The following ZEB1 variants were observed in gnomAD, a reference collection of about 807,000 sequenced individuals.
ZEB1 encodes the protein zinc finger E-box-binding homeobox 1.
A neutral mutation model predicts 84.9 loss-of-function variants in ZEB1; 21 were observed. That is an observed-to-expected ratio of 0.25 (90% confidence interval 0.18 to 0.36). The LOEUF is 0.36. Ranked by LOEUF, ZEB1 falls within the 10% of genes least tolerant of loss-of-function variation. ZEB1 has a pLI of 1.00. For synonymous variants in ZEB1, 420 were observed against 471.1 expected, an observed-to-expected ratio of 0.89 and a Z score of 1.41; for missense variants, 1,104 against 1,330.2, an observed-to-expected ratio of 0.83 and a Z score of 2.65.
chr10:31,336,853 C>T (rs537254772), intron 1 of ZEB1, among the ~76,000 whole-genome samples: 1 of 152,288 alleles, frequency 6.6e-6, no homozygotes, highest in African/African-American at 2.4e-5. Flanking sequence ...CATGGAACAA[C>T]TGAACACTTA....
intron 1 of ZEB1, among the ~76,000 whole-genome samples, chr10:31,367,423 G>A (rs2044735495): frequency 6.6e-6 from 1 of 152,122 alleles, no homozygotes; most frequent in Non-Finnish European, 1.5e-5. Context: ...GATAATGGTA[G>A]TGATGATGAT....
intron 1 of ZEB1, chr10:31,363,619 G>T (rs1239742591): frequency 3.3e-6 from 5 of 1,510,688 alleles, no homozygotes; most frequent in Non-Finnish European, 3.6e-6. Context: ...CGGGAGCCTG[G>T]CTGGGATCAC....
At chr10:31,488,350 A>G (rs781748770) in intron 2 of ZEB1, among the ~76,000 whole-genome samples, 5 of 151,176 alleles carry the variant, frequency 3.3e-5, no homozygotes, top group Non-Finnish European at 4.4e-5. Context: ...TGTTTACACA[A>G]TTGTTCAGAG....
intron 2 of ZEB1, among the ~76,000 whole-genome samples, chr10:31,481,866 C>A (rs2065085992): frequency 6.6e-6 from 1 of 151,966 alleles, no homozygotes; most frequent in Non-Finnish European, 1.5e-5. Context: ...AAGGACAGGT[C>A]TTCCTTACAG....
rs373477291 is a variant in ZEB1, at chr10:31,479,925, A to G, written c.260-15851A>G. ...GTAGAGAAGAAAGTATAAGTTGGCA[A>G]TGTTCCAACATGTCTGTATTAATCT... On this transcript the variant is annotated intron_variant, in intron 2 of 8. Coordinates refer to ENST00000424869, the MANE Select transcript of ZEB1 (RefSeq NM_001174096.2). Among the ~76,000 whole-genome samples, 91 of 152,136 alleles carry G rather than the reference A, an allele frequency of 6.0e-4. 2 individuals carry two copies. Among genetic ancestry groups the G allele is most frequent in the African/African-American group, 2.0e-3 (85 of 41,558 alleles).
At chr10:31,501,130 C>T (rs1389302999) in intron 3 of ZEB1, among the ~76,000 whole-genome samples, 1 of 152,176 alleles carries the variant, frequency 6.6e-6, no homozygotes, top group Non-Finnish European at 1.5e-5. Context: ...GGCCAAACTT[C>T]AGCCTGCTGG....
At chr10:31,459,748 G>A (rs905600317) in intron 1 of ZEB1, among the ~76,000 whole-genome samples, 3 of 151,206 alleles carry the variant, frequency 2.0e-5, no homozygotes, top group African/African-American at 7.3e-5. Flanking sequence ...TATAAAAGCT[G>A]TTTTGGAGTT....
At chr10:31,474,469 A>G (rs554762038) in intron 2 of ZEB1, among the ~76,000 whole-genome samples, 26 of 152,346 alleles carry the variant, frequency 1.7e-4, no homozygotes, top group African/African-American at 5.3e-4. Context: ...AATGCTCATC[A>G]TCACTGGCCA....
chr10:31,363,178 C>T (rs1438414414), intron 1 of ZEB1: 9 of 1,533,888 alleles, frequency 5.9e-6, no homozygotes, highest in African/African-American at 1.4e-5. Flanking sequence ...CATCAGCAAG[C>T]CTGGAGAGCT....
intron 1 of ZEB1, among the ~76,000 whole-genome samples, chr10:31,452,726 TGTGTGTGTGTGTGTGTGAGAGA>T (rs1357189928): frequency 8.2e-6 from 1 of 121,792 alleles, no homozygotes; most frequent in African/African-American, 4.1e-5. Flanking sequence ...TGTGTGTGTG[TGTGTGTGTGTGTGTGTGAGAGA>T]GAGAGAGAGA....
At chr10:31,361,812 A>AG (rs2043161342) in intron 1 of ZEB1, among the ~76,000 whole-genome samples, 1 of 150,688 alleles carries the variant, frequency 6.6e-6, no homozygotes, top group Admixed American at 6.6e-5. Context: ...GCAGCAGGGC[A>AG]GAGGCGCTCC....
chr10:31,368,847 A>G (rs898698363), intron 1 of ZEB1, among the ~76,000 whole-genome samples: 1 of 152,174 alleles, frequency 6.6e-6, no homozygotes, highest in Non-Finnish European at 1.5e-5. Flanking sequence ...GTTTACCATC[A>G]CTGCCTGTCC....
intron 1 of ZEB1, among the ~76,000 whole-genome samples, chr10:31,353,767 C>T (rs2041680647): frequency 6.6e-6 from 1 of 152,134 alleles, no homozygotes; most frequent in South Asian, 2.1e-4. Flanking sequence ...TCATTAGTCA[C>T]CAGCACCACC....
At chr10:31,479,208 T>C (rs2064714836) in intron 2 of ZEB1, among the ~76,000 whole-genome samples, 1 of 151,592 alleles carries the variant, frequency 6.6e-6, no homozygotes, top group South Asian at 2.1e-4. Context: ...ACAGAAGATA[T>C]AACAGACCAA....
At chr10:31,361,272 A>C in intron 1 of ZEB1, 4 of 1,530,650 alleles carry the variant, frequency 2.6e-6, no homozygotes, top group Non-Finnish European at 3.6e-6. Flanking sequence ...GGCTCACTGC[A>C]ACCTCCACTT....
Position 31,452,389 on chromosome 10 carries a change from C to A in ZEB1, c.59-8648C>A, listed in dbSNP as rs573423709. ...TCAGTTCGGTCAAAAGTCAGATTAACAAAAATTTACAGTAAATGCTTAGTA... is the reference window on the plus strand; with the variant it reads ...TCAGTTCGGTCAAAAGTCAGATTAAAAAAAATTTACAGTAAATGCTTAGTA... On this transcript the variant is annotated intron_variant, in intron 1 of 8. Coordinates refer to ENST00000424869, the MANE Select transcript of ZEB1 (RefSeq NM_001174096.2). Among the ~76,000 whole-genome samples the A allele has an allele frequency of 7.0e-3, 1,060 of 152,054 alleles. 13 individuals are homozygous for A. The highest frequency in any genetic ancestry group is 9.1e-3 in the Non-Finnish European group (616 of 67,968).
At chr10:31,473,393 C>G (rs996804207) in intron 2 of ZEB1, among the ~76,000 whole-genome samples, 1 of 151,778 alleles carries the variant, frequency 6.6e-6, no homozygotes, top group African/African-American at 2.4e-5. Flanking sequence ...ACAAAAATCA[C>G]AAGCATTCTT....
chr10:31,484,905 A>G (rs1456993850), intron 2 of ZEB1, among the ~76,000 whole-genome samples: 1 of 151,936 alleles, frequency 6.6e-6, no homozygotes, highest in Non-Finnish European at 1.5e-5. Flanking sequence ...TAATCCAATG[A>G]CATACATCTC....
At chr10:31,323,403 A>ATC (rs2034620984) in intron 1 of ZEB1, among the ~76,000 whole-genome samples, 1 of 152,098 alleles carries the variant, frequency 6.6e-6, no homozygotes, top group Admixed American at 6.5e-5. Context: ...ATGTAGACTT[A>ATC]GACTATGGAT....
Sources: gnomAD v4.1 joint callset for allele counts (sites outside exome capture counted in the v4.1 genomes callset) on GRCh38, gnomAD v4.1.1 for gene constraint, MANE v1.5 for transcripts, NCBI Gene and HGNC (gene_info 2026-07-23, HGNC 2026-07-21) for gene names.